PFKFB2: variants seen among roughly 807,000 people sequenced by gnomAD.
PFKFB2 encodes the protein 6-phosphofructo-2-kinase/fructose-2,6-biphosphatase 2.
PFKFB2 carries 53 observed loss-of-function variants against 68.0 expected under a neutral mutation model. That is an observed-to-expected ratio of 0.78 (90% CI 0.63 to 0.98). PFKFB2 has a LOEUF of 0.98. Among genes scored for constraint, PFKFB2 ranks in the 50% least tolerant of loss-of-function variants. PFKFB2 has a pLI of 0.00. For missense variants in PFKFB2, 451 were observed against 642.0 expected, an observed-to-expected ratio of 0.70 and a Z score of 3.22; for synonymous variants, 222 against 227.6, an observed-to-expected ratio of 0.98 and a Z score of 0.22.
upstream of PFKFB2, chr1:207,050,833 C>A (rs1474412188): frequency 2.5e-6 from 4 of 1,613,064 alleles, no homozygotes; most frequent in Non-Finnish European, 3.4e-6. Context: ...GCACCCGGGT[C>A]CGGCTGGACA....
chr1:207,054,137 C>T (rs1289032671), intron 1 of PFKFB2, among the ~76,000 whole-genome samples: 1 of 151,890 alleles, frequency 6.6e-6, no homozygotes, highest in Non-Finnish European at 1.5e-5. Context: ...CTCTTGACCT[C>T]TTGATCCGCC....
At chr1:207,047,997 G>C (rs558178503) in intron 2 of PFKFB2, 1 of 152,266 alleles carries the variant, frequency 6.6e-6, no homozygotes, top group South Asian at 2.1e-4. Context: ...ACCCAAAGCA[G>C]AGCATTATTA....
intron 2 of PFKFB2, 54 bp downstream of exon 2, chr1:207,054,856 A>T: frequency 8.1e-7 from 1 of 1,230,592 alleles, no homozygotes; most frequent in Non-Finnish European, 1.2e-6. Context: ...TATCTTGGGA[A>T]TATAGTTATA....
intron 8 of PFKFB2, among the ~76,000 whole-genome samples, chr1:207,066,893 C>T (rs1264838560): frequency 6.6e-6 from 1 of 152,186 alleles, no homozygotes; most frequent in Non-Finnish European, 1.5e-5. Context: ...ATCTCCTGAT[C>T]TACCCACCTT....
Position 207,072,313 on chromosome 1 carries a change from G to A in PFKFB2, c.1460G>A (p.Arg487Gln), listed in dbSNP as rs200699550. The change falls in exon 15 of 15, where the codon CGG becomes CAG. Residue 487 changes from arginine to glutamine, a missense_variant. Coordinates refer to ENST00000367080, the MANE Select transcript of PFKFB2 (RefSeq NM_006212.2). ...CCAAGAAATTACAGTGTTGGGAGCC[G>A]GCCCCTCAAGCCCCTCAGCCCTCTC... is the stretch of plus-strand genomic sequence containing the variant. ...RRPRNYSVGSRPLKPLSPLRA... is the reference protein window; with the variant it reads ...RRPRNYSVGSQPLKPLSPLRA... 12 of 1,614,120 alleles carry A rather than the reference G, an allele frequency of 7.4e-6. No homozygotes were observed. The highest frequency in any genetic ancestry group is 6.7e-5 in the Admixed American group (4 of 60,018).
rs1325956645 is a variant in PFKFB2 at position 207,073,636 on chromosome 1, T to C, written c.*1265T>C. On this transcript the variant is annotated 3_prime_UTR_variant, in exon 15 of 15. Transcript: ENST00000367080. ...GTTCATAAAGAGAAACTATCTCATC[T>C]TGATGTCCAGAGAAGTCCTTGGAAC... 6 of 984,232 alleles carry C rather than the reference T, an allele frequency of 6.1e-6. No individual in the cohort carries two copies. Among genetic ancestry groups the C allele is most frequent in the Non-Finnish European group, 6.0e-6 (5 of 828,914 alleles). The allele number at this position is 984,232 out of a possible 1,614,324, so 61.0% of individuals were successfully genotyped here.
chr1:207,042,692 C>A (rs1241279169), intron 2 of PFKFB2, among the ~76,000 whole-genome samples: 1 of 150,986 alleles, frequency 6.6e-6, no homozygotes, highest in African/African-American at 2.4e-5. Flanking sequence ...ACCATTGCTT[C>A]GTCTTTTGTC....
At chr1:207,038,602 G>A (rs1308123576) in intron 1 of PFKFB2, among the ~76,000 whole-genome samples, 1 of 152,164 alleles carries the variant, frequency 6.6e-6, no homozygotes, top group Non-Finnish European at 1.5e-5. Flanking sequence ...CAGCTTAAAT[G>A]TCATCTTCTC....
In PFKFB2 at chr1:207,075,138, G is replaced by A. The variant is rs181296362; in HGVS notation, c.*2767G>A. The A allele has an allele frequency of 7.6e-5, 75 of 985,376 alleles. 1 individual carries two copies. The highest frequency in any genetic ancestry group is 8.3e-5 in the Non-Finnish European group (69 of 829,936). The allele number at this position is 985,376 out of a possible 1,614,324, so 61.0% of individuals were successfully genotyped here. A position where few individuals can be genotyped will look rare whatever the true frequency, so the allele number is the denominator to read the frequency against. ...CACTGTACCCACTCTTAGCAAAAGG[G>A]GACTTCTCTAACAAGCTAGCATTGT... On this transcript the variant is annotated 3_prime_UTR_variant, in exon 15 of 15. Transcript: ENST00000367080.
intron 1 of PFKFB2, among the ~76,000 whole-genome samples, chr1:207,041,861 G>A (rs905234234): frequency 3.3e-5 from 5 of 152,248 alleles, no homozygotes; most frequent in South Asian, 2.1e-4. Flanking sequence ...AGTGTAACAC[G>A]TGCCTATTTC....
Position 207,070,374 on chromosome 1 carries a change from G to A in PFKFB2, c.1187G>A (p.Arg396His), listed in dbSNP as rs774072374. 6 of 1,613,878 alleles carry A rather than the reference G, an allele frequency of 3.7e-6. No homozygotes were observed. Among genetic ancestry groups the A allele is most frequent in the South Asian group, 1.1e-5 (1 of 91,054 alleles). Residue 396 changes from arginine (R) to histidine (H), a missense_variant, in exon 12 of 15, where the codon CGC becomes CAC. Coordinates refer to ENST00000367080, the MANE Select transcript of PFKFB2 (RefSeq NM_006212.2). The surrounding 1 kb of genome is among the most constrained non-coding windows in gnomAD (Gnocchi z 4.2). Reference sequence around the variant, plus strand: ...GTCATCTCCCACCAGGCTGTCATGCGCTGCCTCCTGGCCTACTTCTTGGAT... The same window carrying A: ...GTCATCTCCCACCAGGCTGTCATGCACTGCCTCCTGGCCTACTTCTTGGAT... ...VLVISHQAVM[R>H]CLLAYFLDKG...
At chr1:207,037,216 A>C (rs1682393316) in intron 1 of PFKFB2, among the ~76,000 whole-genome samples, 1 of 152,178 alleles carries the variant, frequency 6.6e-6, no homozygotes, top group South Asian at 2.1e-4. Flanking sequence ...TATAACATCC[A>C]ACACAGCTGG....
rs371924985 is a variant in PFKFB2 at position 207,065,175 on chromosome 1, C to T, written c.632+15C>T. On this transcript the variant is annotated intron_variant, in intron 8 of 14. Transcript: ENST00000367080. Reference sequence around the variant, plus strand: ...AACTATGACAAGTAAGGTTTAAGGCCATGGTTTGAAGGGCCCAAGGCAAAG... The same window carrying T: ...AACTATGACAAGTAAGGTTTAAGGCTATGGTTTGAAGGGCCCAAGGCAAAG... 17 of 1,613,012 alleles carry T rather than the reference C, an allele frequency of 1.1e-5. No individual in the cohort carries two copies. In the East Asian group the frequency reaches 3.1e-4, roughly 30 times the overall value.
In PFKFB2 at chr1:207,063,895, G is replaced by GTGTGTGTGTGTGTGTT; in HGVS notation, c.507+81_507+82insTTGTGTGTGTGTGTGT. On this transcript the variant is annotated intron_variant, in intron 7 of 14. Transcript: ENST00000367080. The surrounding 1 kb of genome is among the most constrained non-coding windows in gnomAD (Gnocchi z 4.1). Reference sequence around the variant, plus strand: ...GTGCTGTGTGTGTTGTGGGGTGTGTGTGTGTGTGTGTGTGTGTGTGTTGTT... The same window carrying GTGTGTGTGTGTGTGTT: ...GTGCTGTGTGTGTTGTGGGGTGTGTGTGTGTGTGTGTGTGTTTGTGTGTGTGTGTGTGTGTGTTGTT... The GTGTGTGTGTGTGTGTT allele has an allele frequency of 1.0e-6, 1 of 997,272 alleles. No individual in the cohort carries two copies. Among genetic ancestry groups the GTGTGTGTGTGTGTGTT allele is most frequent in the South Asian group, 1.3e-5 (1 of 77,678 alleles). 61.8% of individuals were successfully genotyped at this position (997,272 alleles called of 1,614,324 possible). A position where few individuals can be genotyped will look rare whatever the true frequency, so the allele number is the denominator to read the frequency against.
intron 2 of PFKFB2, among the ~76,000 whole-genome samples, chr1:207,060,024 G>A (rs1294492242): frequency 1.3e-5 from 2 of 152,154 alleles, no homozygotes; most frequent in Non-Finnish European, 2.9e-5. Flanking sequence ...CCTCATTGGA[G>A]CCGGCAGAGC....
At chr1:207,071,362 A>G (rs571228703) in intron 13 of PFKFB2, 112 bp downstream of exon 13, 2 of 1,091,402 alleles carry the variant, frequency 1.8e-6, no homozygotes, top group East Asian at 4.7e-5. Flanking sequence ...GGGAAGCTCC[A>G]TCAGTGCCTT....
chr1:207,056,165 A>G (rs1682915841), intron 2 of PFKFB2, among the ~76,000 whole-genome samples: 1 of 152,158 alleles, frequency 6.6e-6, no homozygotes, highest in South Asian at 2.1e-4. Flanking sequence ...GAAGGCGCTT[A>G]GAAGAGTGTT....
In PFKFB2 at chr1:207,067,685, C is replaced by T. The variant is rs763043449; in HGVS notation, c.819C>T (p.Gly273=). 2 of 1,613,740 alleles carry T rather than the reference C, an allele frequency of 1.2e-6. No individual in the cohort carries two copies. The highest frequency in any genetic ancestry group is 2.2e-5 in the South Asian group (2 of 91,060). ...NLLGKIGGDS[G]LSVRGKQFAQ... ...TGGGGAAGATTGGGGGTGACTCTGG[C>T]CTCTCGGTGCGGGGAAAGCAGGTGA... The change falls in exon 9 of 15, where the codon GGC becomes GGT. Residue 273 remains glycine (G), a synonymous_variant. Transcript: ENST00000367080.
In PFKFB2 at chr1:207,074,590, A is replaced by AG; in HGVS notation, c.*2220dup. 1 of 985,388 alleles carries AG rather than the reference A, an allele frequency of 1.0e-6. No homozygotes were observed. The highest frequency in any genetic ancestry group is 5.2e-4 in the Middle Eastern group (1 of 1,914). The allele number at this position is 985,388 out of a possible 1,614,324, so 61.0% of individuals were successfully genotyped here. A position where few individuals can be genotyped will look rare whatever the true frequency, so the allele number is the denominator to read the frequency against. On this transcript the variant is annotated 3_prime_UTR_variant, in exon 15 of 15. Coordinates refer to ENST00000367080, the MANE Select transcript of PFKFB2 (RefSeq NM_006212.2). The stretch of plus-strand genomic sequence containing the variant: ...GGCAGCTTCTAAAGGCTGCTTACCT[A>AG]GATTCTTCTCAAAATTGTGTCCAAG...
Sources: allele counts gnomAD v4.1 joint callset (sites outside exome capture counted in the v4.1 genomes callset), GRCh38; gene constraint gnomAD v4.1.1; non-coding constraint Gnocchi (gnomAD v3.1); transcripts MANE v1.5; gene names NCBI Gene and HGNC (gene_info 2026-07-23, HGNC 2026-07-21).